Variants in UBE2L3 observed in about 807,000 individuals in gnomAD.
UBE2L3 encodes ubiquitin-conjugating enzyme E2 L3.
In UBE2L3, 1 loss-of-function variant was observed where a neutral mutation model predicts 17.8. The ratio of observed to expected loss-of-function variants is 0.06; its 90% confidence interval spans 0.02 to 0.27. The LOEUF (loss-of-function observed/expected upper bound fraction) is 0.27. Ranked by LOEUF, UBE2L3 falls within the 10% of genes least tolerant of loss-of-function variation. UBE2L3 has a pLI of 1.00. For missense variants in UBE2L3, 40 were observed against 192.6 expected (o/e 0.21, Z 4.69); for synonymous variants, 44 against 68.5 (o/e 0.64, Z 1.76).
At chr22:21,620,028 C>A (rs116137815) in intron 3 of UBE2L3, among the ~76,000 whole-genome samples, 1,654 of 152,270 alleles carry the variant, frequency 0.011, 33 homozygotes, top group African/African-American at 0.037. Flanking sequence ...GCAGTGGCTT[C>A]ATGCCTGTCA....
chr22:21,586,841 G>A (rs1340672516), intron 1 of UBE2L3, among the ~76,000 whole-genome samples: 3 of 144,782 alleles, frequency 2.1e-5, no homozygotes, highest in Non-Finnish European at 4.5e-5. Flanking sequence ...GTGTTGAAGC[G>A]TTGGAATTAC....
chr22:21,621,078 G>A lies in UBE2L3; in HGVS notation c.311-437G>A, dbSNP rs149759109. ...CTTGGGGGACTGAGGCTGGAGGATT[G>A]CTTGAGGTCAACCCAGGAGGTTGAG... On this transcript the variant is annotated intron_variant, in intron 3 of 3. Transcript: ENST00000342192. 5.9e-5 allele frequency among the ~76,000 whole-genome samples: 9 copies of A among 152,288 alleles called. 1 individual carries two copies. The East Asian group carries it at 1.7e-3, about 29-fold the overall frequency.
upstream of UBE2L3, among the ~76,000 whole-genome samples, chr22:21,562,760 C>T (rs1177953502): frequency 2.0e-5 from 3 of 150,054 alleles, no homozygotes; most frequent in African/African-American, 7.3e-5. Context: ...CTGCCTCGGC[C>T]TCCCAAGGTG....
At chr22:21,601,189 AT>A (rs1338364779) in intron 2 of UBE2L3, among the ~76,000 whole-genome samples, 1 of 152,016 alleles carries the variant, frequency 6.6e-6, no homozygotes, top group Non-Finnish European at 1.5e-5. Flanking sequence ...CAATCAATCA[AT>A]CAATCATACT....
chr22:21,618,909 G>A (rs1929915164), intron 3 of UBE2L3, among the ~76,000 whole-genome samples: 2 of 152,158 alleles, frequency 1.3e-5, no homozygotes, highest in Admixed American at 1.3e-4. Context: ...CCAAGGTGAT[G>A]ATAGTGAGAA....
chr22:21,584,233 A>G (rs1601409390), intron 1 of UBE2L3, among the ~76,000 whole-genome samples: 1 of 144,598 alleles, frequency 6.9e-6, no homozygotes, highest in Admixed American at 7.2e-5. Flanking sequence ...GCTGGAGTGC[A>G]GTGGGGTGAT....
At chr22:21,597,279 C>T (rs942604227) in intron 2 of UBE2L3, among the ~76,000 whole-genome samples, 1 of 152,008 alleles carries the variant, frequency 6.6e-6, no homozygotes, top group African/African-American at 2.4e-5. Context: ...CGTGCCTGGC[C>T]TGATGCACTA....
intron 2 of UBE2L3, among the ~76,000 whole-genome samples, chr22:21,593,598 CT>C (rs980410678): frequency 1.3e-5 from 2 of 152,158 alleles, no homozygotes; most frequent in Admixed American, 6.6e-5. Flanking sequence ...AGTGCCTACT[CT>C]TTTCTGCATC....
chr22:21,609,194 G>A (rs935318716), intron 2 of UBE2L3, among the ~76,000 whole-genome samples: 1 of 152,156 alleles, frequency 6.6e-6, no homozygotes, highest in African/African-American at 2.4e-5. Flanking sequence ...ACCGCGCCCG[G>A]CCGGCAGTTT....
chr22:21,606,507 AATG>A (rs1331189388), intron 2 of UBE2L3, among the ~76,000 whole-genome samples: 1 of 152,066 alleles, frequency 6.6e-6, no homozygotes, highest in Non-Finnish European at 1.5e-5. Flanking sequence ...TGTAAATGAC[AATG>A]ATGTTTACTT....
At chr22:21,571,327 T>C (rs1353294248) in intron 1 of UBE2L3, among the ~76,000 whole-genome samples, 1 of 152,216 alleles carries the variant, frequency 6.6e-6, no homozygotes, top group African/African-American at 2.4e-5. Context: ...GCCCTCCTGT[T>C]GAGTAGCTTC....
chr22:21,577,440 A>G (rs567348210), intron 1 of UBE2L3, among the ~76,000 whole-genome samples: 23 of 152,336 alleles, frequency 1.5e-4, no homozygotes, highest in Admixed American at 1.2e-3. Context: ...CAGAAAGTTA[A>G]GAAAGTTGCT....
upstream of UBE2L3, among the ~76,000 whole-genome samples, chr22:21,563,518 C>T (rs867041218): frequency 2.0e-5 from 3 of 146,664 alleles, no homozygotes; most frequent in Non-Finnish European, 3.0e-5. Context: ...GCCGAGATCG[C>T]GCCACAGCAC....
chr22:21,552,822 C>T (rs1173130145), intron 1 of UBE2L3, among the ~76,000 whole-genome samples: 1 of 123,008 alleles, frequency 8.1e-6, no homozygotes, highest in African/African-American at 3.2e-5. Context: ...CTCCTGAGTT[C>T]ACGCCATTCT....
At chr22:21,560,941 G>T (rs1344107512) in intron 1 of UBE2L3, among the ~76,000 whole-genome samples, 1 of 152,298 alleles carries the variant, frequency 6.6e-6, no homozygotes, top group Non-Finnish European at 1.5e-5. Context: ...CAAGTAATGT[G>T]TTAATTTCTT....
chr22:21,608,904 T>G (rs1929322020), intron 2 of UBE2L3, among the ~76,000 whole-genome samples: 1 of 151,098 alleles, frequency 6.6e-6, no homozygotes. Flanking sequence ...TTTGTTTTGT[T>G]TTTTTTTTGA....
At chr22:21,552,984 A>C (rs1247823185) in intron 1 of UBE2L3, among the ~76,000 whole-genome samples, 1 of 49,864 alleles carries the variant, frequency 2.0e-5, no homozygotes, top group Non-Finnish European at 4.4e-5. Context: ...CCTCGGCCTC[A>C]CAAAGTGCTG....
intron 2 of UBE2L3, among the ~76,000 whole-genome samples, chr22:21,605,918 C>G (rs186556126): frequency 2.7e-4 from 41 of 152,128 alleles, no homozygotes; most frequent in African/African-American, 9.4e-4. Context: ...ATCCTCCTGC[C>G]TTAGCCTCCC....
chr22:21,602,384 A>G (rs1928913579), intron 2 of UBE2L3, among the ~76,000 whole-genome samples: 1 of 152,212 alleles, frequency 6.6e-6, no homozygotes, highest in Non-Finnish European at 1.5e-5. Context: ...AGTCCAAGTC[A>G]GACAACCAGA....
Sources: gnomAD v4.1 joint callset for allele counts (sites outside exome capture counted in the v4.1 genomes callset) on GRCh38, gnomAD v4.1.1 for gene constraint, MANE v1.5 for transcripts, NCBI Gene and HGNC (gene_info 2026-07-23, HGNC 2026-07-21) for gene names.